The following FAM3C variants were observed in gnomAD, a reference collection of about 807,000 sequenced individuals.
The protein encoded by FAM3C is protein FAM3C.
FAM3C carries 15 observed loss-of-function variants against 32.5 expected under a neutral mutation model. The observed-to-expected ratio is 0.46, with a 90% CI of 0.31 to 0.71. The LOEUF (loss-of-function observed/expected upper bound fraction) is 0.71. Among genes scored for constraint, FAM3C ranks in the 30% least tolerant of loss-of-function variants. The pLI, the probability that FAM3C is intolerant of heterozygous loss-of-function variation, is 0.05. For missense variants in FAM3C, 175 were observed against 274.4 expected, an observed-to-expected ratio of 0.64 and a Z score of 2.56; for synonymous variants, 75 against 86.1, an observed-to-expected ratio of 0.87 and a Z score of 0.72.
Position 121,362,830 on chromosome 7 carries a change from G to T in FAM3C, c.382+67C>A, listed in dbSNP as rs377061624. ...AGCATCATCATTCTCTCATTAATGG[G>T]CTACATTGTATTGAGGTGATTAAGT... On this transcript the variant is annotated intron_variant, in intron 7 of 9. Transcript: ENST00000359943. 5.1e-3 allele frequency: 4,140 copies of T among 812,442 alleles called. 24 individuals are homozygous for T. Among genetic ancestry groups the T allele is most frequent in the Non-Finnish European group, 7.6e-3 (3,649 of 478,190 alleles). The allele number at this position is 812,442 out of a possible 1,614,324, so 50.3% of individuals were successfully genotyped here.
intron 3 of FAM3C, among the ~76,000 whole-genome samples, chr7:121,377,208 T>A (rs1161080952): frequency 1.3e-5 from 2 of 152,130 alleles, no homozygotes; most frequent in Non-Finnish European, 2.9e-5. Context: ...AAGAATAACA[T>A]GTTTGCTACC....
At chr7:121,387,665 G>A (rs892565708) in intron 1 of FAM3C, among the ~76,000 whole-genome samples, 3 of 151,836 alleles carry the variant, frequency 2.0e-5, no homozygotes, top group Non-Finnish European at 4.4e-5. Flanking sequence ...ACCAATCCCA[G>A]GAAATGTAAA....
intron 1 of FAM3C, among the ~76,000 whole-genome samples, chr7:121,392,026 T>C (rs2116976065): frequency 6.6e-6 from 1 of 152,294 alleles, no homozygotes; most frequent in Middle Eastern, 3.4e-3. Context: ...ATAAAACAAC[T>C]GTATAACTGC....
At chr7:121,362,854 G>GT (rs1460775158) in intron 7 of FAM3C, 43 bp downstream of exon 7, 1 of 1,092,340 alleles carries the variant, frequency 9.2e-7, no homozygotes, top group African/African-American at 1.6e-5. Flanking sequence ...AGGTGATTAA[G>GT]TCAGTGCCAG....
chr7:121,362,336 A>G (rs965571510), intron 7 of FAM3C, among the ~76,000 whole-genome samples: 3 of 152,154 alleles, frequency 2.0e-5, no homozygotes, highest in Non-Finnish European at 4.4e-5. Context: ...AGAAAATTCT[A>G]TTTCTTCCCT....
At chr7:121,368,483 C>A (rs1794069271) in intron 5 of FAM3C, among the ~76,000 whole-genome samples, 1 of 152,082 alleles carries the variant, frequency 6.6e-6, no homozygotes, top group Non-Finnish European at 1.5e-5. Flanking sequence ...AGTCTGTTAC[C>A]AACAGGGAGG....
intron 6 of FAM3C, among the ~76,000 whole-genome samples, chr7:121,363,712 T>TA (rs1793970358): frequency 6.6e-6 from 1 of 152,184 alleles, no homozygotes; most frequent in South Asian, 2.1e-4. Flanking sequence ...TCATACTAAT[T>TA]AAGCTATCAG....
intron 8 of FAM3C, chr7:121,351,593 C>T (rs2116861730): frequency 4.5e-6 from 1 of 223,646 alleles, no homozygotes; most frequent in African/African-American, 2.3e-5. Flanking sequence ...GATGCCTATC[C>T]AGGCTATCCA....
At position 121,351,109 on chromosome 7, in the gene FAM3C, G is replaced by GT. The variant is rs752147998; in HGVS notation, c.594+33dup. 2.3e-5 allele frequency: 36 copies of GT among 1,590,200 alleles called. 1 individual carries two copies. In the South Asian group the frequency reaches 4.0e-4, roughly 18 times the overall value. ...TGTACCGTAAGGTTTCACAGAATTT[G>GT]TTTTTGTTAATTCTGAGAGTCTATG... On this transcript the variant is annotated intron_variant, in intron 9 of 9. Transcript: ENST00000359943.
At chr7:121,390,853 C>CGGG (rs58750532) in intron 1 of FAM3C, among the ~76,000 whole-genome samples, 1 of 7,462 alleles carries the variant, frequency 1.3e-4, no homozygotes, top group African/African-American at 2.5e-4. Flanking sequence ...CTGTGTGGGG[C>CGGG]GGGGGGGGGG....
At chr7:121,357,520 G>A (rs759290446) in intron 8 of FAM3C, among the ~76,000 whole-genome samples, 2 of 152,200 alleles carry the variant, frequency 1.3e-5, no homozygotes, top group Non-Finnish European at 2.9e-5. Context: ...ATATATATTA[G>A]ATGTAGATTG....
intron 5 of FAM3C, among the ~76,000 whole-genome samples, chr7:121,369,196 G>T (rs1019536261): frequency 2.0e-5 from 3 of 151,814 alleles, no homozygotes; most frequent in Admixed American, 6.6e-5. Context: ...GGCCAGGCTG[G>T]TCTCAGACTC....
At chr7:121,381,130 C>T (rs1794342895) in intron 2 of FAM3C, among the ~76,000 whole-genome samples, 1 of 152,096 alleles carries the variant, frequency 6.6e-6, no homozygotes, top group African/African-American at 2.4e-5. Context: ...CTTGATGGGG[C>T]CTAACATACC....
At chr7:121,363,876 T>G (rs912158649) in intron 6 of FAM3C, among the ~76,000 whole-genome samples, 1 of 152,168 alleles carries the variant, frequency 6.6e-6, no homozygotes, top group African/African-American at 2.4e-5. Context: ...TTTATCAATG[T>G]GATGTTAGAC....
rs1390611714 is a variant in FAM3C at position 121,350,489 on chromosome 7, T to C, written c.656A>G (p.Glu219Gly). ...YEGWPEVVEM[E>G]GCIPQKQD is the part of the protein sequence containing the mutation. ...GTCTTGCTTCTGGGGGATGCATCCT[T>C]CCATTTCTACAACTTCAGGCCATCC... Residue 219 changes from glutamate to glycine, a missense_variant, in exon 10 of 10, where the codon GAA becomes GGA. Glu to Gly is a moderately conservative substitution (Grantham distance 98). Coordinates refer to ENST00000359943, the MANE Select transcript of FAM3C (RefSeq NM_014888.3). The C allele has an allele frequency of 2.1e-5, 34 of 1,612,338 alleles. No individual in the cohort carries two copies. The highest frequency in any genetic ancestry group is 2.8e-5 in the Non-Finnish European group (33 of 1,179,350).
chr7:121,360,480 T>G (rs1793897068), intron 7 of FAM3C, among the ~76,000 whole-genome samples: 1 of 152,184 alleles, frequency 6.6e-6, no homozygotes, highest in African/African-American at 2.4e-5. Context: ...AACCTTATTC[T>G]GGGGTCCATG....
intron 1 of FAM3C, among the ~76,000 whole-genome samples, chr7:121,384,982 C>A (rs1188553216): frequency 6.6e-6 from 1 of 151,958 alleles, no homozygotes; most frequent in Non-Finnish European, 1.5e-5. Flanking sequence ...AAAATATTTA[C>A]ATACAATTAT....
chr7:121,356,575 A>T (rs1165249731), intron 8 of FAM3C, among the ~76,000 whole-genome samples: 2 of 152,200 alleles, frequency 1.3e-5, no homozygotes, highest in Non-Finnish European at 2.9e-5. Flanking sequence ...TTTCAAATGG[A>T]GAAATGAAAG....
chr7:121,355,770 T>A lies in FAM3C; in HGVS notation c.467+4273A>T, dbSNP rs539448676. Among the ~76,000 whole-genome samples the A allele has an allele frequency of 2.2e-4, 34 of 152,270 alleles. No homozygotes were observed. In the East Asian group the frequency reaches 6.6e-3, roughly 29 times the overall value. On this transcript the variant is annotated intron_variant, in intron 8 of 9. Coordinates refer to ENST00000359943, the MANE Select transcript of FAM3C (RefSeq NM_014888.3). Reference sequence around the variant, plus strand: ...TTTCTGCAGCTGATTAACAGATGCATCCCTTGGAGGAAGCCTCTAGCAGGG... The same window carrying A: ...TTTCTGCAGCTGATTAACAGATGCAACCCTTGGAGGAAGCCTCTAGCAGGG...
Sources: gnomAD v4.1 joint callset for allele counts (sites outside exome capture counted in the v4.1 genomes callset) on GRCh38, gnomAD v4.1.1 for gene constraint, MANE v1.5 for transcripts, NCBI Gene and HGNC (gene_info 2026-07-23, HGNC 2026-07-21) for gene names.